The following P3H2 variants were observed in gnomAD, a reference collection of about 807,000 sequenced individuals.
The protein encoded by P3H2 is leprecan-like 1.
A neutral mutation model predicts 87.0 loss-of-function variants in P3H2; 80 were observed. That is an observed-to-expected ratio of 0.92 (90% CI 0.77 to 1.11). The LOEUF is 1.11. P3H2 is among the 50% of genes least tolerant of loss of function. The pLI is 0.00. For synonymous variants in P3H2, 367 were observed against 359.3 expected (o/e 1.02, Z -0.24); for missense variants, 1,001 against 923.9 (o/e 1.08, Z -1.08).
rs931660966 is a variant in P3H2, at chr3:189,994,400, C to G, written c.634-117G>C. On this transcript the variant is annotated intron_variant, in intron 2 of 14. Coordinates refer to ENST00000319332, the MANE Select transcript of P3H2 (RefSeq NM_018192.4). ...CAGGATCATCTAGGTAGATGGGGTA[C>G]TGGATGCTTCTGCTGCGGAGGGATA... The G allele has an allele frequency of 1.0e-5, 8 of 765,588 alleles. No individual in the cohort carries two copies. In the Admixed American group the frequency reaches 1.6e-4, roughly 15 times the overall value. The allele number at this position is 765,588 out of a possible 1,614,324, so 47.4% of individuals were successfully genotyped here.
chr3:190,066,158 T>TATATATACACACACACAC (rs1256956930), intron 1 of P3H2, among the ~76,000 whole-genome samples: 126 of 134,606 alleles, frequency 9.4e-4, no homozygotes, highest in African/African-American at 3.7e-3. Flanking sequence ...TATATATATA[T>TATATATACACACACACAC]ACACACACAC....
chr3:190,114,576 G>C (rs1712216977), intron 1 of P3H2, among the ~76,000 whole-genome samples: 2 of 152,094 alleles, frequency 1.3e-5, no homozygotes, highest in Non-Finnish European at 2.9e-5. Context: ...TTCAGATATG[G>C]GACAATCCCA....
rs1191086816 is a variant in P3H2, at chr3:190,084,849, T to C, written c.480+35403A>G. Among the ~76,000 whole-genome samples the C allele has an allele frequency of 2.0e-5, 3 of 151,988 alleles. No individual in the cohort carries two copies. The East Asian group carries it at 5.8e-4, about 29-fold the overall frequency. ...GGAACAGACTTAATACCTCGCTCAG[T>C]AGGTGTTTTCTGGTGTAAGATAGTA... is the stretch of plus-strand genomic sequence containing the variant. On this transcript the variant is annotated intron_variant, in intron 1 of 14. Coordinates refer to ENST00000319332, the MANE Select transcript of P3H2 (RefSeq NM_018192.4).
At chr3:190,115,834 C>T (rs1464648192) in intron 1 of P3H2, among the ~76,000 whole-genome samples, 1 of 152,074 alleles carries the variant, frequency 6.6e-6, no homozygotes, top group Non-Finnish European at 1.5e-5. Context: ...CACTGAACCA[C>T]CCCCTGTTTT....
At chr3:189,982,173 T>G (rs1328999192) in intron 8 of P3H2, among the ~76,000 whole-genome samples, 1 of 152,154 alleles carries the variant, frequency 6.6e-6, no homozygotes, top group Non-Finnish European at 1.5e-5. Context: ...AAAATGGGAT[T>G]TCGGGTCAAA....
intron 10 of P3H2, among the ~76,000 whole-genome samples, chr3:189,973,511 C>CTTTTT (rs869099221): frequency 5.1e-4 from 18 of 35,466 alleles, no homozygotes; most frequent in African/African-American, 1.4e-3. Flanking sequence ...TTCTTTCTTT[C>CTTTTT]TTTTTTTTTT....
Position 189,994,183 on chromosome 3 carries a change from G to A in P3H2, c.734C>T (p.Thr245Ile), listed in dbSNP as rs1048879835. 6.2e-7 allele frequency: 1 copy of A among 1,613,452 alleles called. No homozygotes were observed. Among genetic ancestry groups the A allele is most frequent in the Non-Finnish European group, 8.5e-7 (1 of 1,179,708 alleles). The stretch of plus-strand genomic sequence containing the variant: ...CCCCTCACATAGGGTCCGGCATTCT[G>A]TATCTTCAACGAAATATTCTCTTAA... ...QALREYFVED[T>I]ECRTLCEGPQ... The change falls in exon 3 of 15, where the codon ACA becomes ATA. Residue 245 changes from threonine to isoleucine, a missense_variant. Transcript: ENST00000319332.
At chr3:190,097,927 T>C (rs1224307727) in intron 1 of P3H2, among the ~76,000 whole-genome samples, 1 of 152,218 alleles carries the variant, frequency 6.6e-6, no homozygotes, top group Non-Finnish European at 1.5e-5. Context: ...CCATGTCTAA[T>C]TTATGTAAGC....
In P3H2 at chr3:189,971,741, G is replaced by T. The variant is rs1316338121; in HGVS notation, c.1817+149C>A. 1.6e-5 allele frequency: 11 copies of T among 678,338 alleles called. No individual in the cohort carries two copies. In the East Asian group the frequency reaches 2.8e-4, roughly 17 times the overall value. The allele number at this position is 678,338 out of a possible 1,614,324, so 42.0% of individuals were successfully genotyped here. On this transcript the variant is annotated intron_variant, in intron 12 of 14. Coordinates refer to ENST00000319332, the MANE Select transcript of P3H2 (RefSeq NM_018192.4). ...AAGTGAGATGATAATGCCACTTATT[G>T]GTTATGGCAGCTACTTCAGAAGATT... is the stretch of plus-strand genomic sequence containing the variant.
chr3:190,005,768 G>C (rs1249251335), intron 1 of P3H2, among the ~76,000 whole-genome samples: 1 of 152,120 alleles, frequency 6.6e-6, no homozygotes, highest in Non-Finnish European at 1.5e-5. Flanking sequence ...GCAAGCCAAG[G>C]GGAATTTTAT....
At chr3:189,986,990 T>C in intron 5 of P3H2, 113 bp from the exon 6 acceptor site, 4 of 741,272 alleles carry the variant, frequency 5.4e-6, no homozygotes, top group Non-Finnish European at 9.6e-6. Context: ...AGCTAACAAA[T>C]ATTCAGAACT....
intron 1 of P3H2, among the ~76,000 whole-genome samples, chr3:190,061,746 G>T (rs570479695): frequency 6.6e-6 from 1 of 151,998 alleles, no homozygotes; most frequent in Non-Finnish European, 1.5e-5. Context: ...AGTCTTTAAG[G>T]GTTTCTTATT....
intron 3 of P3H2, among the ~76,000 whole-genome samples, chr3:189,992,879 G>T (rs1723919909): frequency 6.6e-6 from 1 of 152,142 alleles, no homozygotes; most frequent in Non-Finnish European, 1.5e-5. Flanking sequence ...CTTTGAATAT[G>T]AAATATATTA....
At chr3:190,043,867 A>T (rs1421489030) in intron 1 of P3H2, among the ~76,000 whole-genome samples, 1 of 152,184 alleles carries the variant, frequency 6.6e-6, no homozygotes, top group Non-Finnish European at 1.5e-5. Context: ...AATGCACCTC[A>T]GGAGCATTTT....
chr3:190,104,706 G>C (rs761618585), intron 1 of P3H2, among the ~76,000 whole-genome samples: 170 of 152,228 alleles, frequency 1.1e-3, no homozygotes, highest in Non-Finnish European at 2.1e-3. Context: ...CGGATGTCCT[G>C]ATCAGTTGTA....
At chr3:189,959,501 T>C (rs150909483) in intron 14 of P3H2, among the ~76,000 whole-genome samples, 100 of 149,200 alleles carry the variant, frequency 6.7e-4, no homozygotes, top group African/African-American at 2.2e-3. Flanking sequence ...TGAGAATATG[T>C]GGTGTTTGTT....
intron 1 of P3H2, among the ~76,000 whole-genome samples, chr3:190,066,166 C>T (rs547666420): frequency 4.6e-5 from 6 of 131,320 alleles, no homozygotes; most frequent in African/African-American, 1.9e-4. Context: ...TATACACACA[C>T]ACACACACAC....
At chr3:190,046,760 G>T (rs1318198373) in intron 1 of P3H2, among the ~76,000 whole-genome samples, 1 of 151,934 alleles carries the variant, frequency 6.6e-6, no homozygotes, top group Non-Finnish European at 1.5e-5. Context: ...GTAAATTAAA[G>T]AAATTTATGG....
At chr3:190,092,230 C>CAAAA (rs10693056) in intron 1 of P3H2, among the ~76,000 whole-genome samples, 43 of 138,006 alleles carry the variant, frequency 3.1e-4, no homozygotes, top group African/African-American at 1.0e-3. Flanking sequence ...GAGACTCCGT[C>CAAAA]AAAAAAAAAA....
Sources: allele counts gnomAD v4.1 joint callset (sites outside exome capture counted in the v4.1 genomes callset), GRCh38; gene constraint gnomAD v4.1.1; transcripts MANE v1.5; gene names NCBI Gene and HGNC (gene_info 2026-07-23, HGNC 2026-07-21).